Variants in DOCK11 observed in about 807,000 individuals in gnomAD.
DOCK11 encodes dedicator of cytokinesis 11.
Under a neutral mutation model 169.1 loss-of-function variants are expected in DOCK11, and 70 were observed. That is an observed-to-expected ratio of 0.41 (90% CI 0.34 to 0.51). DOCK11 has a LOEUF of 0.51. Among genes scored for constraint, DOCK11 ranks in the 20% least tolerant of loss-of-function variants. DOCK11 has a pLI of 0.10. For synonymous variants in DOCK11, 529 were observed against 541.3 expected (o/e 0.98, Z 0.32); for missense variants, 1,166 against 1,538.8 (o/e 0.76, Z 4.05).
rs975354927 is a variant in DOCK11 at position 118,580,190 on chromosome X, A to G, written c.1595+11A>G. 2 of 1,190,765 alleles carry G rather than the reference A, an allele frequency of 1.7e-6. No homozygotes were observed. The highest frequency in any genetic ancestry group is 3.5e-5 in the African/African-American group (2 of 56,741). Reference sequence around the variant, plus strand: ...CGCTTGGGCTGCCAGGTTTGTACAAATATAATCCTGACCCGCTCACTCGTG... The same window carrying G: ...CGCTTGGGCTGCCAGGTTTGTACAAGTATAATCCTGACCCGCTCACTCGTG... On this transcript the variant is annotated intron_variant, in intron 14 of 52. Transcript: ENST00000276202.
Position 118,610,309 on chromosome X carries a change from A to G in DOCK11, c.2987A>G (p.His996Arg). 1 of 1,211,169 alleles carries G rather than the reference A, an allele frequency of 8.3e-7. No homozygotes were observed. Among genetic ancestry groups the G allele is most frequent in the Non-Finnish European group, 1.1e-6 (1 of 895,171 alleles). The change falls in exon 28 of 53, where the codon CAT becomes CGT. Residue 996 changes from histidine to arginine, a missense_variant. Coordinates refer to ENST00000276202, the MANE Select transcript of DOCK11 (RefSeq NM_144658.4). ...CAGAGATTTCCCGAGACATATCATC[A>G]TGTCTTACATTCACTGCTTCTTGCA... Reference protein sequence around the residue: ...RGQRFPETYHHVLHSLLLAII... With the variant: ...RGQRFPETYHRVLHSLLLAII...
chrX:118,626,137 C>T (rs1054509962), intron 32 of DOCK11, among the ~76,000 whole-genome samples: 1 of 107,265 alleles, frequency 9.3e-6, no homozygotes, highest in Non-Finnish European at 1.9e-5. Flanking sequence ...ATGATCTCAG[C>T]TCACTGCAAT....
Position 118,655,079 on chromosome X carries a change from G to T in DOCK11, c.4969+118G>T. On this transcript the variant is annotated intron_variant, in intron 44 of 52. Coordinates refer to ENST00000276202, the MANE Select transcript of DOCK11 (RefSeq NM_144658.4). Reference sequence around the variant, plus strand: ...AACACTGAAAAATATGTTCACCCTTGGCCTTATTCAGTGTTAAAAATAAGC... The same window carrying T: ...AACACTGAAAAATATGTTCACCCTTTGCCTTATTCAGTGTTAAAAATAAGC... 3 of 669,089 alleles carry T rather than the reference G, an allele frequency of 4.5e-6. No individual in the cohort carries two copies. The Admixed American group carries it at 9.9e-5, about 22-fold the overall frequency. 55.1% of individuals were successfully genotyped at this position (669,089 alleles called of 1,213,427 possible). A position where few individuals can be genotyped will look rare whatever the true frequency, so the allele number is the denominator to read the frequency against.
chrX:118,643,482 A>G lies in DOCK11; in HGVS notation c.4286A>G (p.His1429Arg). 1 of 1,209,870 alleles carries G rather than the reference A, an allele frequency of 8.3e-7. No individual in the cohort carries two copies. Among genetic ancestry groups the G allele is most frequent in the Non-Finnish European group, 1.1e-6 (1 of 894,163 alleles). ...ACCCAACTTTTAAATAATGATGGCC[A>G]TAACCCATTAATGAAAAAAGTGTTT... is the stretch of plus-strand genomic sequence containing the variant. ...FKTQLLNNDG[H>R]NPLMKKVFDI... The change falls in exon 40 of 53, where the codon CAT (histidine) becomes CGT (arginine). Residue 1429 changes from histidine (H) to arginine (R), a missense_variant. By Grantham distance (29) the His-to-Arg change is conservative (BLOSUM62 0). Coordinates refer to ENST00000276202, the MANE Select transcript of DOCK11 (RefSeq NM_144658.4).
chrX:118,658,085 C>T (rs1042968344), intron 44 of DOCK11, among the ~76,000 whole-genome samples: 2 of 111,148 alleles, frequency 1.8e-5, no homozygotes, highest in African/African-American at 6.6e-5. Flanking sequence ...CATTTGAGTG[C>T]AGAACTGAAA....
At chrX:118,597,689 C>A in intron 21 of DOCK11, 137 bp downstream of exon 21, 1 of 663,171 alleles carries the variant, frequency 1.5e-6, no homozygotes, top group Non-Finnish European at 2.2e-6. Flanking sequence ...CAAAGATAAA[C>A]ATGGAATGTG....
At chrX:118,617,251 G>A (rs1267344857) in intron 30 of DOCK11, among the ~76,000 whole-genome samples, 11 of 111,232 alleles carry the variant, frequency 9.9e-5, no homozygotes, top group African/African-American at 3.6e-4. Context: ...CAGCACTTTG[G>A]GAGGCCGAGG....
chrX:118,652,224 T>C, intron 42 of DOCK11, 147 bp downstream of exon 42: 1 of 400,227 alleles, frequency 2.5e-6, no homozygotes, highest in Non-Finnish European at 4.4e-6. Context: ...GTCTTATACA[T>C]CACTATATCT....
chrX:118,630,837 A>T (rs2015221145), intron 35 of DOCK11, among the ~76,000 whole-genome samples: 1 of 112,565 alleles, frequency 8.9e-6, no homozygotes, highest in Non-Finnish European at 1.9e-5. Flanking sequence ...ACCAGAATTC[A>T]TATTTAATAC....
At chrX:118,510,388 A>G (rs1344489188) in intron 1 of DOCK11, among the ~76,000 whole-genome samples, 3 of 112,434 alleles carry the variant, frequency 2.7e-5, no homozygotes, top group South Asian at 3.6e-4. Context: ...TTCAATTGAC[A>G]TGTTTTCTTA....
chrX:118,521,524 A>G (rs1161346523), intron 1 of DOCK11, among the ~76,000 whole-genome samples: 1 of 112,608 alleles, frequency 8.9e-6, no homozygotes, highest in African/African-American at 3.2e-5. Context: ...TCACTGCAGC[A>G]GAGAATTCAC....
At chrX:118,630,740 A>G (rs1464569506) in intron 35 of DOCK11, among the ~76,000 whole-genome samples, 4 of 112,683 alleles carry the variant, frequency 3.5e-5, no homozygotes, top group Non-Finnish European at 5.6e-5. Flanking sequence ...AAATGAGGCA[A>G]TGGTTTTAGA....
At chrX:118,575,227 T>C (rs1321189186) in intron 12 of DOCK11, among the ~76,000 whole-genome samples, 1 of 111,571 alleles carries the variant, frequency 9.0e-6, no homozygotes, top group East Asian at 2.8e-4. Flanking sequence ...TATAGAAATA[T>C]ATACACATTA....
rs1330295066 is a variant in DOCK11 at position 118,538,696 on chromosome X, AGGT to A, written c.103-4028_103-4026del. 800 of 749,314 alleles carry A rather than the reference AGGT, an allele frequency of 1.1e-3. 4 individuals are homozygous for A. In the African/African-American group the frequency reaches 0.017, roughly 16 times the overall value. The allele number at this position is 749,314 out of a possible 1,213,427, so 61.8% of individuals were successfully genotyped here. A position where few individuals can be genotyped will look rare whatever the true frequency, so the allele number is the denominator to read the frequency against. Reference sequence around the variant, plus strand: ...GAAGTTGCTATTATTTGAATGTTTAAGGTACCATTTATTGTAACGGGTTTTTGG... The same window carrying A: ...GAAGTTGCTATTATTTGAATGTTTAAACCATTTATTGTAACGGGTTTTTGG... On this transcript the variant is annotated intron_variant, in intron 1 of 52. Coordinates refer to ENST00000276202, the MANE Select transcript of DOCK11 (RefSeq NM_144658.4).
Position 118,557,649 on chromosome X carries a change from A to G in DOCK11, c.559-3734A>G, listed in dbSNP as rs1251593640. 3.8e-5 allele frequency among the ~76,000 whole-genome samples: 4 copies of G among 104,742 alleles called. No individual in the cohort carries two copies. In the East Asian group the frequency reaches 1.2e-3, roughly 32 times the overall value. The allele number at this position is 104,742 out of a possible 115,157, so 91.0% of individuals were successfully genotyped here. A position where few individuals can be genotyped will look rare whatever the true frequency, so the allele number is the denominator to read the frequency against. Reference sequence around the variant, plus strand: ...CATGGTGGCGGGCGCCCGTAGTCCCAGCTACTCAGGAGGCTGAGGCCGGAG... The same window carrying G: ...CATGGTGGCGGGCGCCCGTAGTCCCGGCTACTCAGGAGGCTGAGGCCGGAG... On this transcript the variant is annotated intron_variant, in intron 6 of 52. Coordinates refer to ENST00000276202, the MANE Select transcript of DOCK11 (RefSeq NM_144658.4).
At chrX:118,624,753 A>AAT in intron 32 of DOCK11, 98 bp downstream of exon 32, 8 of 309,141 alleles carry the variant, frequency 2.6e-5, no homozygotes, top group Non-Finnish European at 3.6e-5. Context: ...TTAAGAGTTC[A>AAT]CTTTTTTTTT....
intron 52 of DOCK11, 105 bp downstream of exon 52, chrX:118,683,322 T>G: frequency 2.3e-6 from 2 of 886,993 alleles, no homozygotes; most frequent in Non-Finnish European, 3.0e-6. Context: ...AGTTATTAAG[T>G]CTATATTTTA....
chrX:118,558,457 C>G (rs962059037), intron 6 of DOCK11, among the ~76,000 whole-genome samples: 3 of 111,933 alleles, frequency 2.7e-5, no homozygotes, highest in African/African-American at 9.7e-5. Context: ...ATTTTAACAC[C>G]TGTCTTCTTT....
chrX:118,599,796 G>A (rs1181422160), intron 23 of DOCK11, among the ~76,000 whole-genome samples: 3 of 112,075 alleles, frequency 2.7e-5, no homozygotes, highest in African/African-American at 9.8e-5. Flanking sequence ...TCTTTTAATT[G>A]TTCCTTTAGT....
Sources: allele counts gnomAD v4.1 joint callset (sites outside exome capture counted in the v4.1 genomes callset), GRCh38; gene constraint gnomAD v4.1.1; transcripts MANE v1.5; gene names NCBI Gene and HGNC (gene_info 2026-07-23, HGNC 2026-07-21).